The following SIRPD variants were observed in gnomAD, a reference collection of about 807,000 sequenced individuals.
The protein encoded by SIRPD is signal-regulatory protein delta.
In SIRPD, 21 loss-of-function variants were observed where a neutral mutation model predicts 18.0. That is an observed-to-expected ratio of 1.17 (90% CI 0.83 to 1.68). The LOEUF (loss-of-function observed/expected upper bound fraction) is 1.68. SIRPD is among the 40% of genes most tolerant of loss of function. The pLI is 0.00. For missense variants in SIRPD, 295 were observed against 238.4 expected, an observed-to-expected ratio of 1.24 and a Z score of -1.56; for synonymous variants, 106 against 92.9, an observed-to-expected ratio of 1.14 and a Z score of -0.81.
Position 1,551,903 on chromosome 20 carries a change from G to A in SIRPD, c.209C>T (p.Pro70Leu). ...GAAATTGTAGATTAATTTCCGGTTT[G>A]GCCCTGTTCCCTTGAACCACAAGAC... Reference protein sequence around the residue: ...GPVLWFKGTGPNRKLIYNFKQ... With the variant: ...GPVLWFKGTGLNRKLIYNFKQ... The change falls in exon 2 of 4, where the codon CCA (proline) becomes CTA (leucine). Residue 70 changes from proline (P) to leucine (L), a missense_variant. Physicochemically the swap from Pro to Leu is moderately conservative, Grantham distance 98 (BLOSUM62 -3). Transcript: ENST00000381623. 1 of 1,614,076 alleles carries A rather than the reference G, an allele frequency of 6.2e-7. No individual in the cohort carries two copies. Among genetic ancestry groups the A allele is most frequent in the Non-Finnish European group, 8.5e-7 (1 of 1,179,992 alleles).
chr20:1,547,702 G>A (rs2090999830), intron 2 of SIRPD, among the ~76,000 whole-genome samples: 1 of 152,188 alleles, frequency 6.6e-6, no homozygotes, highest in Admixed American at 6.5e-5. Flanking sequence ...ATTCTGATAA[G>A]GATTGTGTTG....
At chr20:1,552,530 A>G (rs556336311) in intron 1 of SIRPD, among the ~76,000 whole-genome samples, 2 of 152,218 alleles carry the variant, frequency 1.3e-5, no homozygotes, top group Admixed American at 1.3e-4. Flanking sequence ...AAAACAATTA[A>G]AGAATGAGGT....
chr20:1,550,973 G>C (rs1215952179), intron 2 of SIRPD, among the ~76,000 whole-genome samples: 2 of 152,180 alleles, frequency 1.3e-5, no homozygotes, highest in Non-Finnish European at 2.9e-5. Flanking sequence ...TAAGAAAAAG[G>C]CTTTGGATGC....
intron 3 of SIRPD, among the ~76,000 whole-genome samples, chr20:1,535,675 A>G (rs954409866): frequency 1.3e-5 from 2 of 152,170 alleles, no homozygotes; most frequent in African/African-American, 4.8e-5. Context: ...TATAAGAAAT[A>G]GGTTCTTTTT....
chr20:1,537,970 T>C (rs1872112297), intron 2 of SIRPD, among the ~76,000 whole-genome samples: 1 of 152,134 alleles, frequency 6.6e-6, no homozygotes, highest in African/African-American at 2.4e-5. Flanking sequence ...GTATCTCTTT[T>C]TTCTGTCCCT....
chr20:1,537,076 T>G (rs1331594826), intron 3 of SIRPD, 79 bp downstream of exon 3: 17 of 1,531,600 alleles, frequency 1.1e-5, no homozygotes, highest in Non-Finnish European at 1.4e-5. Flanking sequence ...TCCGCCCCAC[T>G]GCAGGTGGCG....
At chr20:1,545,913 T>A (rs1386731417) in intron 2 of SIRPD, among the ~76,000 whole-genome samples, 1 of 152,184 alleles carries the variant, frequency 6.6e-6, no homozygotes, top group African/African-American at 2.4e-5. Context: ...GGAGGTCCAC[T>A]CCAGATCCTG....
At chr20:1,550,168 C>G (rs1478373692) in intron 2 of SIRPD, among the ~76,000 whole-genome samples, 1 of 152,190 alleles carries the variant, frequency 6.6e-6, no homozygotes, top group African/African-American at 2.4e-5. Context: ...GGCTCAACTT[C>G]CTCATCTGAT....
chr20:1,537,782 G>T (rs1388233906), intron 2 of SIRPD, among the ~76,000 whole-genome samples: 1 of 152,186 alleles, frequency 6.6e-6, no homozygotes, highest in African/African-American at 2.4e-5. Context: ...TTCAAAGTAC[G>T]CTTACAGGGG....
At chr20:1,542,905 T>A (rs1293676379) in intron 2 of SIRPD, among the ~76,000 whole-genome samples, 1 of 152,236 alleles carries the variant, frequency 6.6e-6, no homozygotes, top group Non-Finnish European at 1.5e-5. Flanking sequence ...TTTTTGTCAT[T>A]GGTTCTGTTT....
chr20:1,542,049 G>A (rs1027068789), intron 2 of SIRPD, among the ~76,000 whole-genome samples: 1 of 152,158 alleles, frequency 6.6e-6, no homozygotes, highest in Admixed American at 6.5e-5. Context: ...TAGCACTGTA[G>A]TACAGTTTGA....
intron 1 of SIRPD, 72 bp from the exon 2 acceptor site, chr20:1,552,110 G>T: frequency 7.9e-7 from 1 of 1,269,294 alleles, no homozygotes; most frequent in Non-Finnish European, 1.1e-6. Context: ...TCACGGTTGG[G>T]CCTCATTCAT....
rs1190074335 is a variant in SIRPD, at chr20:1,557,646, A to G, written c.8T>C (p.Ile3Thr). The G allele has an allele frequency of 6.2e-7, 1 of 1,611,304 alleles. No individual in the cohort carries two copies. The change falls in exon 1 of 4, where the codon ATC becomes ACC. Residue 3 changes from isoleucine (I) to threonine (T), a missense_variant. By Grantham distance (89) the Ile-to-Thr change is moderately conservative. Transcript: ENST00000381623. MPIPASPLHPPLP... is the reference protein window; with the variant it reads MPTPASPLHPPLP... The stretch of plus-strand genomic sequence containing the variant: ...AGGTGGGTGGAGTGGGGAGGCAGGG[A>G]TGGGCATTGTGGTGAAACCTGGAGC...
At chr20:1,549,835 A>G (rs1386377003) in intron 2 of SIRPD, among the ~76,000 whole-genome samples, 1 of 152,116 alleles carries the variant, frequency 6.6e-6, no homozygotes, top group Non-Finnish European at 1.5e-5. Context: ...AAGCCATCAA[A>G]TTTGTATCCA....
intron 2 of SIRPD, among the ~76,000 whole-genome samples, chr20:1,544,764 C>T (rs2090986630): frequency 6.6e-6 from 1 of 152,072 alleles, no homozygotes; most frequent in Admixed American, 6.6e-5. Flanking sequence ...ACCAGTTTTT[C>T]CTTTCCATAT....
chr20:1,542,215 T>C (rs2090975152), intron 2 of SIRPD, among the ~76,000 whole-genome samples: 1 of 152,234 alleles, frequency 6.6e-6, no homozygotes, highest in African/African-American at 2.4e-5. Flanking sequence ...GCATTGATTC[T>C]ATAAATTACT....
intron 3 of SIRPD, 127 bp from the exon 4 acceptor site, chr20:1,534,568 G>T: frequency 1.0e-6 from 1 of 954,284 alleles, no homozygotes; most frequent in Non-Finnish European, 1.6e-6. Flanking sequence ...TGTTGCTAAG[G>T]TTGTGGTGAG....
intron 1 of SIRPD, among the ~76,000 whole-genome samples, chr20:1,554,600 T>C (rs1203181694): frequency 1.3e-5 from 2 of 152,068 alleles, no homozygotes; most frequent in Admixed American, 1.3e-4. Context: ...AATGAGAAAA[T>C]GCAAAATAGA....
intron 2 of SIRPD, among the ~76,000 whole-genome samples, chr20:1,546,318 C>T (rs977696396): frequency 6.6e-6 from 1 of 152,218 alleles, no homozygotes; most frequent in Non-Finnish European, 1.5e-5. Flanking sequence ...ATGTCCTGCA[C>T]AGAGAGGAAG....
Sources: allele counts gnomAD v4.1 joint callset (sites outside exome capture counted in the v4.1 genomes callset), GRCh38; gene constraint gnomAD v4.1.1; transcripts MANE v1.5; gene names NCBI Gene and HGNC (gene_info 2026-07-23, HGNC 2026-07-21).